Variants in UBN1 observed in about 807,000 individuals in gnomAD.
UBN1 encodes the protein ubinuclein 1.
UBN1 carries 17 observed loss-of-function variants against 108.5 expected under a neutral mutation model. The ratio of observed to expected loss-of-function variants is 0.16; its 90% CI spans 0.11 to 0.24. UBN1 has a LOEUF of 0.24. Ranked by LOEUF, UBN1 falls within the 10% of genes least tolerant of loss-of-function variation. UBN1 has a pLI of 1.00. For missense variants in UBN1, 1,595 were observed against 1,394.4 expected (o/e 1.14, Z -2.29); for synonymous variants, 726 against 564.2 (o/e 1.29, Z -4.07).
At position 4,847,535 on chromosome 16, in the gene UBN1, G is replaced by A. The variant is rs1333780024; in HGVS notation, c.-715G>A. On this transcript the variant is annotated 5_prime_UTR_variant, in exon 1 of 18. Coordinates refer to ENST00000262376, the MANE Select transcript of UBN1 (RefSeq NM_001079514.3). ...CAACGAAGCGCCCGCGGTCTGAGGC[G>A]GCGGCGGCGGCGACGGTGCGACCGG... 9 of 465,878 alleles carry A rather than the reference G, an allele frequency of 1.9e-5. No individual in the cohort carries two copies. Among genetic ancestry groups the A allele is most frequent in the African/African-American group, 4.2e-5 (2 of 47,768 alleles). 28.9% of individuals were successfully genotyped at this position (465,878 alleles called of 1,614,324 possible).
intron 7 of UBN1, among the ~76,000 whole-genome samples, chr16:4,866,812 A>G (rs2087356020): frequency 6.6e-6 from 1 of 152,196 alleles, no homozygotes; most frequent in Non-Finnish European, 1.5e-5. Flanking sequence ...GCGCCGGGCC[A>G]AGGTTCCATT....
At position 4,870,982 on chromosome 16, in the gene UBN1, C is replaced by T; in HGVS notation, c.1559+10C>T. 1.2e-6 allele frequency: 2 copies of T among 1,613,908 alleles called. No individual in the cohort carries two copies. The highest frequency in any genetic ancestry group is 1.7e-6 in the Non-Finnish European group (2 of 1,179,890). ...GGAATGATGAGATCAGGTGTGCCCA[C>T]ACTGGGACTTGGCCTCTTTGGAGGG... On this transcript the variant is annotated intron_variant, in intron 11 of 17. Coordinates refer to ENST00000262376, the MANE Select transcript of UBN1 (RefSeq NM_001079514.3).
chr16:4,865,135 G>A (rs1307861320), intron 7 of UBN1, among the ~76,000 whole-genome samples: 1 of 152,080 alleles, frequency 6.6e-6, no homozygotes, highest in African/African-American at 2.4e-5. Context: ...CTCTTTTTAG[G>A]GGTGAGGGAC....
chr16:4,858,866 A>G lies in UBN1; in HGVS notation c.433-159A>G, dbSNP rs1006914024. On this transcript the variant is annotated intron_variant, in intron 4 of 17. Transcript: ENST00000262376. The stretch of plus-strand genomic sequence containing the variant: ...GAAAGTGATGACCAGATCTGTCCAA[A>G]ACACCTTGTAGCTCAGACATTCATG... 5 of 1,086,242 alleles carry G rather than the reference A, an allele frequency of 4.6e-6. No individual in the cohort carries two copies. The African/African-American group carries it at 7.9e-5, about 17-fold the overall frequency. 67.3% of individuals were successfully genotyped at this position (1,086,242 alleles called of 1,614,324 possible).
rs540793459 is a variant in UBN1 at position 4,877,187 on chromosome 16, T to C, written c.3265+76T>C. ...CCAGGGGTCCTGCTGTTGTGTACTC[T>C]GGTTCCTGTGTTTGAGTCTGGTGTG... On this transcript the variant is annotated intron_variant, in intron 16 of 17. Transcript: ENST00000262376. This position sits in a 1 kb window ranked among gnomAD's most constrained non-coding sequence, Gnocchi z 4.3. The C allele has an allele frequency of 1.5e-4, 237 of 1,531,204 alleles. No individual in the cohort carries two copies. Among genetic ancestry groups the C allele is most frequent in the African/African-American group, 1.4e-3 (103 of 72,664 alleles). The allele number at this position is 1,531,204 out of a possible 1,614,324, so 94.9% of individuals were successfully genotyped here. A position where few individuals can be genotyped will look rare whatever the true frequency, so the allele number is the denominator to read the frequency against.
intron 7 of UBN1, 49 bp downstream of exon 7, chr16:4,861,151 A>C (rs773639227): frequency 1.9e-6 from 3 of 1,557,240 alleles, no homozygotes; most frequent in Non-Finnish European, 2.6e-6. Flanking sequence ...GTTTGGGCAG[A>C]TTGCTGTTGG....
At position 4,877,271 on chromosome 16, in the gene UBN1, G is replaced by GT; in HGVS notation, c.3266-113dup. 1 of 1,518,912 alleles carries GT rather than the reference G, an allele frequency of 6.6e-7. No individual in the cohort carries two copies. Among genetic ancestry groups the GT allele is most frequent in the Non-Finnish European group, 8.9e-7 (1 of 1,129,544 alleles). The allele number at this position is 1,518,912 out of a possible 1,614,324, so 94.1% of individuals were successfully genotyped here. A position where few individuals can be genotyped will look rare whatever the true frequency, so the allele number is the denominator to read the frequency against. ...AGCCCCCACTGCCCCTTTGGGTGTG[G>GT]TGCCCAGACTGGCCTGGCAGGTTAT... On this transcript the variant is annotated intron_variant, in intron 16 of 17. Transcript: ENST00000262376. The surrounding 1 kb of genome is among the most constrained non-coding windows in gnomAD (Gnocchi z 4.3).
At chr16:4,848,860 G>A (rs939510683) in intron 1 of UBN1, among the ~76,000 whole-genome samples, 2 of 152,166 alleles carry the variant, frequency 1.3e-5, no homozygotes, top group African/African-American at 2.4e-5. Flanking sequence ...CAGCATTTTG[G>A]GATGCCGAGG....
At chr16:4,871,381 C>G in intron 12 of UBN1, 80 bp downstream of exon 12, 1 of 1,542,450 alleles carries the variant, frequency 6.5e-7, no homozygotes, top group Non-Finnish European at 8.7e-7. Context: ...CCAACAGGAT[C>G]CTTGCTCACA....
intron 4 of UBN1, 140 bp downstream of exon 4, chr16:4,858,803 A>G (rs1282379482): frequency 1.0e-5 from 10 of 971,506 alleles, no homozygotes; most frequent in Non-Finnish European, 6.3e-6. Flanking sequence ...ATGAGAGACG[A>G]AATGACATTC....
At chr16:4,862,631 C>T (rs558472268) in intron 7 of UBN1, among the ~76,000 whole-genome samples, 10 of 152,288 alleles carry the variant, frequency 6.6e-5, no homozygotes, top group South Asian at 2.1e-4. Flanking sequence ...GTCTATGTGA[C>T]GATAGATGGT....
chr16:4,848,866 C>T (rs745983434), intron 1 of UBN1, among the ~76,000 whole-genome samples: 1 of 152,074 alleles, frequency 6.6e-6, no homozygotes, highest in Non-Finnish European at 1.5e-5. Flanking sequence ...TTTGGGATGC[C>T]GAGGCGGGTG....
At position 4,858,670 on chromosome 16, in the gene UBN1, A is replaced by G. The variant is rs2086915107; in HGVS notation, c.432+7A>G. 6.2e-7 allele frequency: 1 copy of G among 1,613,628 alleles called. No individual in the cohort carries two copies. Among genetic ancestry groups the G allele is most frequent in the African/African-American group, 1.3e-5 (1 of 74,926 alleles). On this transcript the variant is annotated splice_region_variant and intron_variant, in intron 4 of 17. Coordinates refer to ENST00000262376, the MANE Select transcript of UBN1 (RefSeq NM_001079514.3). ...CATCGATAACTCTGAGGCGGTAAGT[A>G]GTTACTGAAAATGCCGTGTCAGACC...
intron 2 of UBN1, among the ~76,000 whole-genome samples, chr16:4,853,904 C>T (rs984605421): frequency 2.6e-5 from 4 of 152,070 alleles, no homozygotes; most frequent in Admixed American, 1.3e-4. Context: ...CCCATGTAAC[C>T]TGCACGTAGG....
intron 7 of UBN1, among the ~76,000 whole-genome samples, chr16:4,866,302 C>T (rs2087328262): frequency 6.6e-6 from 1 of 152,140 alleles, no homozygotes; most frequent in South Asian, 2.1e-4. Flanking sequence ...GGGCTTTCAC[C>T]TAGCCAAGGG....
chr16:4,865,053 T>C (rs1025589078), intron 7 of UBN1, among the ~76,000 whole-genome samples: 3 of 152,158 alleles, frequency 2.0e-5, no homozygotes, highest in East Asian at 3.9e-4. Context: ...ATCAGCATGA[T>C]TGGGATGTTT....
chr16:4,878,867 T>A (rs537137541), intron 17 of UBN1, among the ~76,000 whole-genome samples: 1 of 151,984 alleles, frequency 6.6e-6, no homozygotes, highest in East Asian at 2.0e-4. Flanking sequence ...AAAAAATTAG[T>A]CAGGTGTGGT....
At chr16:4,879,983 T>C (rs535610280) in intron 17 of UBN1, 100 bp from the exon 18 acceptor site, 11 of 1,301,704 alleles carry the variant, frequency 8.5e-6, no homozygotes, top group Admixed American at 1.7e-5. Context: ...TTGGGGACTT[T>C]TGCTATTTAG....
At chr16:4,864,668 C>T (rs1386825966) in intron 7 of UBN1, among the ~76,000 whole-genome samples, 2 of 152,164 alleles carry the variant, frequency 1.3e-5, no homozygotes, top group South Asian at 2.1e-4. Context: ...GGTAGTTTGA[C>T]AGCTACTCAG....
Sources: gnomAD v4.1 joint callset for allele counts (sites outside exome capture counted in the v4.1 genomes callset) on GRCh38, gnomAD v4.1.1 for gene constraint, Gnocchi (gnomAD v3.1) non-coding constraint, MANE v1.5 for transcripts, NCBI Gene and HGNC (gene_info 2026-07-23, HGNC 2026-07-21) for gene names.